PDE10A: variants seen among roughly 807,000 people sequenced by gnomAD.
The protein encoded by PDE10A is cAMP and cAMP-inhibited cGMP 3',5'-cyclic phosphodiesterase 10A.
Under a neutral mutation model 97.7 loss-of-function variants are expected in PDE10A, and 39 were observed. The observed-to-expected ratio is 0.40, with a 90% CI of 0.31 to 0.52. PDE10A has a LOEUF of 0.52. Among genes scored for constraint, PDE10A ranks in the 20% least tolerant of loss-of-function variants. The pLI is 0.56. For missense variants in PDE10A, 731 were observed against 1,047.8 expected (o/e 0.70, Z 4.17); for synonymous variants, 371 against 376.8 (o/e 0.98, Z 0.18).
chr6:165,452,518 T>C (rs1445932555), intron 3 of PDE10A, among the ~76,000 whole-genome samples: 1 of 152,186 alleles, frequency 6.6e-6, no homozygotes, highest in Non-Finnish European at 1.5e-5. Flanking sequence ...TGATAAAAGA[T>C]ATCTTTGGTC....
In PDE10A at chr6:165,388,316, CT is replaced by C; in HGVS notation, c.2591del (p.Gln864ArgfsTer17). On this transcript the variant is annotated frameshift_variant, in exon 17 of 22. Coordinates refer to ENST00000539869, the MANE Select transcript of PDE10A (RefSeq NM_001385079.1). LOFTEE classifies it high-confidence loss of function. The surrounding 1 kb of genome is among the most constrained non-coding windows in gnomAD (Gnocchi z 4.0). ...TSTMEQHHFS[Q>X]TVSILQLEGH... is the part of the protein sequence containing the mutation. ...GACTCACCTGGAGGATGGACACAGTCTGGGAGAAGTGGTGCTGCTCCATGGT... is the reference window on the plus strand; with the variant it reads ...GACTCACCTGGAGGATGGACACAGTCGGGAGAAGTGGTGCTGCTCCATGGT... 1 of 1,614,018 alleles carries C rather than the reference CT, an allele frequency of 6.2e-7. No individual in the cohort carries two copies. The highest frequency in any genetic ancestry group is 8.5e-7 in the Non-Finnish European group (1 of 1,179,950).
chr6:165,788,518 C>CAAAAAAAAAAAAA (rs56927613), intron 1 of PDE10A, among the ~76,000 whole-genome samples: 29 of 74,712 alleles, frequency 3.9e-4, no homozygotes, highest in South Asian at 1.1e-3. Flanking sequence ...AACTCTGTCT[C>CAAAAAAAAAAAAA]AAAAAAAAAA....
At chr6:165,792,499 C>T (rs1447505568) in intron 1 of PDE10A, among the ~76,000 whole-genome samples, 2 of 152,178 alleles carry the variant, frequency 1.3e-5, no homozygotes, top group Non-Finnish European at 2.9e-5. Flanking sequence ...CTCACTCTCT[C>T]CTTCTAATGC....
intron 1 of PDE10A, among the ~76,000 whole-genome samples, chr6:165,957,712 A>C (rs1784177718): frequency 6.6e-6 from 1 of 152,194 alleles, no homozygotes; most frequent in Admixed American, 6.5e-5. Flanking sequence ...TGAAGACAAA[A>C]TATGTCCCAA....
At chr6:165,443,013 G>C (rs1201783701) in intron 5 of PDE10A, among the ~76,000 whole-genome samples, 1 of 149,970 alleles carries the variant, frequency 6.7e-6, no homozygotes, top group Non-Finnish European at 1.5e-5. Context: ...TCAGGAGGTT[G>C]AGACAGGAGA....
rs1340528012 is a variant in PDE10A, at chr6:165,433,122, C to A, written c.1343G>T (p.Arg448Leu). The part of the protein sequence containing the change: ...LLVEDILGDE[R>L]FPRGTGLESG... ...TTCCAGTCCAGTACCTCTTGGAAAT[C>A]GTTCATCCTGAAAAACAAAAAGACA... Residue 448 changes from arginine to leucine, a missense_variant, in exon 7 of 22, where the codon CGA becomes CTA. Around this residue, in one of 8 missense-constraint regions of PDE10A, gnomAD observed 152 missense variants for 199.3 expected, o/e 0.76. Transcript: ENST00000539869. 6.2e-7 allele frequency: 1 copy of A among 1,605,664 alleles called. No individual in the cohort carries two copies. Among genetic ancestry groups the A allele is most frequent in the Admixed American group, 1.7e-5 (1 of 58,766 alleles).
intron 1 of PDE10A, among the ~76,000 whole-genome samples, chr6:165,623,954 G>A (rs1253680690): frequency 6.6e-6 from 1 of 152,216 alleles, no homozygotes; most frequent in African/African-American, 2.4e-5. Context: ...ACATCTCCAT[G>A]AGGATTTCCT....
rs1193844394 is a variant in PDE10A at position 165,887,849 on chromosome 6, A to C, written c.-615+99680T>G. On this transcript the variant is annotated intron_variant, in intron 1 of 19. Transcript: ENST00000366882. ...AATGGGAGCCAGAGTGATCATTTTT[A>C]AATTCCAATGACATCATTACTTCTC... is the stretch of plus-strand genomic sequence containing the variant. 2.0e-5 allele frequency among the ~76,000 whole-genome samples: 3 copies of C among 152,226 alleles called. No homozygotes were observed. The East Asian group carries it at 5.8e-4, about 29-fold the overall frequency.
chr6:165,641,075 T>G (rs2128419846), intron 1 of PDE10A, among the ~76,000 whole-genome samples: 1 of 152,318 alleles, frequency 6.6e-6, no homozygotes, highest in Middle Eastern at 3.4e-3. Flanking sequence ...CATGGCTGTC[T>G]GCTTCACCTG....
chr6:165,595,353 A>T (rs1408587702), intron 1 of PDE10A, among the ~76,000 whole-genome samples: 3 of 152,248 alleles, frequency 2.0e-5, no homozygotes, highest in Non-Finnish European at 4.4e-5. Flanking sequence ...GAGTTAAGAA[A>T]ACTGGCTCAA....
chr6:165,480,269 A>T (rs1439067939), intron 3 of PDE10A, among the ~76,000 whole-genome samples: 2 of 152,204 alleles, frequency 1.3e-5, no homozygotes, highest in Non-Finnish European at 2.9e-5. Context: ...GCTTGGTTCT[A>T]AATGAGAAAG....
chr6:165,565,657 T>C (rs980851446), intron 1 of PDE10A, among the ~76,000 whole-genome samples: 1 of 152,138 alleles, frequency 6.6e-6, no homozygotes, highest in Admixed American at 6.5e-5. Flanking sequence ...GTTCGAGGAC[T>C]GACAATACCC....
intron 1 of PDE10A, among the ~76,000 whole-genome samples, chr6:165,643,977 TA>T (rs1418937600): frequency 2.6e-5 from 4 of 152,320 alleles, no homozygotes; most frequent in Admixed American, 6.5e-5. Flanking sequence ...ACTAGTCAAT[TA>T]AAAAATATAT....
At chr6:165,891,944 C>A (rs973821313) in intron 1 of PDE10A, among the ~76,000 whole-genome samples, 2 of 92,648 alleles carry the variant, frequency 2.2e-5, no homozygotes, top group African/African-American at 8.4e-5. Flanking sequence ...GAGAAAACAC[C>A]TTGGACTTTT....
At position 165,815,133 on chromosome 6, in the gene PDE10A, G is replaced by A. The variant is rs553026630; in HGVS notation, c.-615+172396C>T. 9.9e-5 allele frequency among the ~76,000 whole-genome samples: 15 copies of A among 152,254 alleles called. No homozygotes were observed. The South Asian group carries it at 1.9e-3, about 19-fold the overall frequency. ...AGATGAGCAGGAGAGGCTCTCTTTC[G>A]TCATCATGCACGCCAGTGCCCTGGG... On this transcript the variant is annotated intron_variant, in intron 1 of 19. Coordinates refer to the PDE10A transcript ENST00000366882.
At chr6:165,586,387 C>T (rs1785913778) in intron 1 of PDE10A, among the ~76,000 whole-genome samples, 1 of 152,058 alleles carries the variant, frequency 6.6e-6, no homozygotes. Flanking sequence ...ATTCAGACAC[C>T]AATAGTTAAG....
chr6:165,339,660 A>G (rs760591485), intron 19 of PDE10A, among the ~76,000 whole-genome samples: 5 of 152,216 alleles, frequency 3.3e-5, no homozygotes, highest in Non-Finnish European at 7.3e-5. Flanking sequence ...GTGAGGAGAA[A>G]TAACAATAAC....
At chr6:165,646,579 G>A (rs1789407389) in intron 1 of PDE10A, among the ~76,000 whole-genome samples, 1 of 152,202 alleles carries the variant, frequency 6.6e-6, no homozygotes, top group Admixed American at 6.5e-5. Context: ...CCTTCATTCA[G>A]CACGCGCTCA....
chr6:165,851,210 G>C (rs191857745), intron 1 of PDE10A, among the ~76,000 whole-genome samples: 1 of 152,324 alleles, frequency 6.6e-6, no homozygotes, highest in Admixed American at 6.5e-5. Context: ...TCTTTAAAGA[G>C]TTATTCAGGT....
Sources: allele counts gnomAD v4.1 joint callset (sites outside exome capture counted in the v4.1 genomes callset), GRCh38; gene constraint gnomAD v4.1.1; regional missense constraint gnomAD v4.1.1; non-coding constraint Gnocchi (gnomAD v3.1); transcripts MANE v1.5; gene names NCBI Gene and HGNC (gene_info 2026-07-23, HGNC 2026-07-21).